Variants in EYS observed in about 807,000 individuals in gnomAD.
EYS encodes EGF-like photoreceptor maintenance factor.
A neutral mutation model predicts 282.1 loss-of-function variants in EYS; 250 were observed. That is an observed-to-expected ratio of 0.89 (90% CI 0.80 to 0.98). EYS has a LOEUF of 0.98. Among genes scored for constraint, EYS ranks in the 50% least tolerant of loss-of-function variants. The probability of loss-of-function intolerance (pLI) is 0.00; values close to 1 mark genes in which losing one functional copy is unlikely to be tolerated. For missense variants in EYS, 4,016 were observed against 3,709.0 expected, an observed-to-expected ratio of 1.08 and a Z score of -2.15; for synonymous variants, 1,355 against 1,282.9, an observed-to-expected ratio of 1.06 and a Z score of -1.20.
intron 29 of EYS, among the ~76,000 whole-genome samples, chr6:64,347,398 G>A (rs991166246): frequency 1.3e-5 from 2 of 151,314 alleles, no homozygotes; most frequent in Admixed American, 1.3e-4. Flanking sequence ...AATGTGTATA[G>A]AATATTTACA....
intron 14 of EYS, among the ~76,000 whole-genome samples, chr6:64,962,991 A>C (rs1769975604): frequency 6.6e-6 from 1 of 152,122 alleles, no homozygotes; most frequent in Non-Finnish European, 1.5e-5. Flanking sequence ...TATTTGAATG[A>C]TATTTTCTAT....
At chr6:63,966,050 C>T (rs1766292956) in intron 35 of EYS, among the ~76,000 whole-genome samples, 1 of 152,066 alleles carries the variant, frequency 6.6e-6, no homozygotes, top group African/African-American at 2.4e-5. Flanking sequence ...TTAAAATGTG[C>T]ACTAATGAGA....
At chr6:64,165,577 C>T (rs953098510) in intron 31 of EYS, among the ~76,000 whole-genome samples, 2 of 152,082 alleles carry the variant, frequency 1.3e-5, no homozygotes, top group African/African-American at 4.8e-5. Context: ...AGATTATGTC[C>T]TCAATTATGA....
intron 36 of EYS, among the ~76,000 whole-genome samples, chr6:63,851,954 G>A (rs1173637421): frequency 1.7e-4 from 26 of 151,876 alleles, no homozygotes; most frequent in Non-Finnish European, 2.6e-4. Flanking sequence ...TCAGGAGATC[G>A]AGACCATCCC....
intron 23 of EYS, among the ~76,000 whole-genome samples, chr6:64,622,380 C>G (rs921373840): frequency 6.6e-6 from 1 of 150,968 alleles, no homozygotes; most frequent in African/African-American, 2.4e-5. Context: ...TACAAACTCT[C>G]TACTAGGATT....
In EYS at chr6:65,159,286, A is replaced by C. The variant is rs187368562; in HGVS notation, c.2024-101559T>G. On this transcript the variant is annotated intron_variant, in intron 12 of 42. Transcript: ENST00000503581. ...GAACTTCTACTGGCCAACTCTGTAG[A>C]CCCCTTCTGGTTCTATCATCCAGTG... Among the ~76,000 whole-genome samples the C allele has an allele frequency of 2.7e-5, 4 of 150,766 alleles. No individual in the cohort carries two copies. The East Asian group carries it at 5.9e-4, about 22-fold the overall frequency.
chr6:64,685,673 T>G (rs549230381), intron 22 of EYS, among the ~76,000 whole-genome samples: 1 of 152,318 alleles, frequency 6.6e-6, no homozygotes, highest in South Asian at 2.1e-4. Context: ...GCCAGCAGAA[T>G]CTTCAGCTGC....
intron 8 of EYS, among the ~76,000 whole-genome samples, chr6:65,378,276 A>G (rs76787015): frequency 2.0e-5 from 3 of 152,216 alleles, no homozygotes; most frequent in African/African-American, 7.2e-5. Context: ...CAACAAACAT[A>G]TGAAAAAAAG....
chr6:65,427,276 T>A (rs1305350777), intron 5 of EYS, among the ~76,000 whole-genome samples: 1 of 152,046 alleles, frequency 6.6e-6, no homozygotes, highest in Non-Finnish European at 1.5e-5. Flanking sequence ...GAAAATTCTT[T>A]TGGAATATTA....
intron 31 of EYS, among the ~76,000 whole-genome samples, chr6:64,086,635 C>T (rs903497309): frequency 4.6e-5 from 7 of 152,138 alleles, no homozygotes; most frequent in African/African-American, 9.7e-5. Context: ...TGAATATTCT[C>T]CCAAATTTGA....
intron 22 of EYS, among the ~76,000 whole-genome samples, chr6:64,788,225 G>A (rs553131844): frequency 7.2e-5 from 11 of 152,242 alleles, no homozygotes; most frequent in African/African-American, 2.4e-4. Context: ...AGTTGACCAA[G>A]GAGGGATCCG....
chr6:64,611,030 A>G (rs973227476), intron 24 of EYS, among the ~76,000 whole-genome samples: 6 of 152,044 alleles, frequency 3.9e-5, no homozygotes, highest in African/African-American at 1.4e-4. Context: ...ATAAATAAAC[A>G]CAATAATTTT....
intron 35 of EYS, among the ~76,000 whole-genome samples, chr6:63,888,846 C>G (rs891827281): frequency 9.2e-5 from 14 of 152,112 alleles, no homozygotes; most frequent in African/African-American, 3.4e-4. Flanking sequence ...CTCCTCTGAG[C>G]TAAAGGAGCA....
chr6:64,323,522 G>C (rs534812951), intron 29 of EYS, among the ~76,000 whole-genome samples: 128 of 152,100 alleles, frequency 8.4e-4, no homozygotes, highest in African/African-American at 3.1e-3. Context: ...CATTTATTTT[G>C]AGAATTATGA....
rs143497245 is a variant in EYS, at chr6:65,216,302, C to T, written c.2023+79561G>A. Among the ~76,000 whole-genome samples the T allele has an allele frequency of 4.4e-3, 665 of 151,950 alleles. 4 individuals carry two copies. The highest frequency in any genetic ancestry group is 0.015 in the African/African-American group (606 of 41,478). On this transcript the variant is annotated intron_variant, in intron 12 of 42. Coordinates refer to ENST00000503581, the MANE Select transcript of EYS (RefSeq NM_001142800.2). ...ATGAGTGAAGTGTGGGTTCTGTACA[C>T]GTCTATATGACTAATGTTCAAATTG...
intron 36 of EYS, among the ~76,000 whole-genome samples, chr6:63,822,862 AC>A (rs1286463431): frequency 6.6e-6 from 1 of 152,190 alleles, no homozygotes; most frequent in Non-Finnish European, 1.5e-5. Context: ...CACTAGGAAT[AC>A]TATGTGCTTT....
At chr6:64,019,404 T>C (rs1446347570) in intron 33 of EYS, among the ~76,000 whole-genome samples, 2 of 148,816 alleles carry the variant, frequency 1.3e-5, no homozygotes, top group African/African-American at 5.0e-5. Context: ...GGCAAGATAT[T>C]TTCTTTCTTT....
chr6:65,149,256 A>G (rs1365609994), intron 12 of EYS, among the ~76,000 whole-genome samples: 1 of 152,050 alleles, frequency 6.6e-6, no homozygotes, highest in African/African-American at 2.4e-5. Flanking sequence ...TTTGCCACTT[A>G]GAAATTTCTT....
chr6:64,487,253 A>T (rs1776604025), intron 26 of EYS, among the ~76,000 whole-genome samples: 1 of 151,196 alleles, frequency 6.6e-6, no homozygotes, highest in Non-Finnish European at 1.5e-5. Context: ...GCCACTTTAT[A>T]TGACAGTTTA....
Sources: allele counts gnomAD v4.1 joint callset (sites outside exome capture counted in the v4.1 genomes callset), GRCh38; gene constraint gnomAD v4.1.1; transcripts MANE v1.5; gene names NCBI Gene and HGNC (gene_info 2026-07-23, HGNC 2026-07-21).